Variants in SLC25A14 observed in about 807,000 individuals in gnomAD.
SLC25A14 encodes the protein solute carrier family 25 member 14, also known as brain mitochondrial carrier protein 1.
In SLC25A14, 8 loss-of-function variants were observed where a neutral mutation model predicts 28.1. The ratio of observed to expected loss-of-function variants is 0.28; its 90% CI spans 0.17 to 0.51. SLC25A14 has a LOEUF of 0.51. Ranked by LOEUF, SLC25A14 falls within the 20% of genes least tolerant of loss-of-function variation. The pLI is 0.97. For missense variants in SLC25A14, 135 were observed against 263.8 expected, an observed-to-expected ratio of 0.51 and a Z score of 3.38; for synonymous variants, 74 against 90.6, an observed-to-expected ratio of 0.82 and a Z score of 1.04.
intron 9 of SLC25A14, among the ~76,000 whole-genome samples, chrX:130,366,250 TAGAG>T (rs1569456012): frequency 8.9e-6 from 1 of 112,391 alleles, no homozygotes; most frequent in Non-Finnish European, 1.9e-5. Flanking sequence ...TTTTAGTAGT[TAGAG>T]AGAAATTACA....
intron 7 of SLC25A14, among the ~76,000 whole-genome samples, chrX:130,359,483 A>G (rs1233094068): frequency 4.5e-5 from 5 of 110,234 alleles, no homozygotes; most frequent in Admixed American, 9.7e-5. Flanking sequence ...AAAAAAATCC[A>G]GTAGTCCCAC....
At chrX:130,358,185 A>G (rs781154256) in intron 6 of SLC25A14, among the ~76,000 whole-genome samples, 10 of 112,237 alleles carry the variant, frequency 8.9e-5, no homozygotes, top group Non-Finnish European at 1.7e-4. Flanking sequence ...AATTTTTGAT[A>G]TCTTTCAGTG....
intron 2 of SLC25A14, among the ~76,000 whole-genome samples, chrX:130,343,142 A>T (rs750510468): frequency 8.0e-5 from 9 of 112,131 alleles, no homozygotes; most frequent in African/African-American, 2.9e-4. Flanking sequence ...TGTAAGGAGA[A>T]AAAGTTTTGG....
intron 7 of SLC25A14, among the ~76,000 whole-genome samples, chrX:130,359,995 T>C (rs1308435408): frequency 1.8e-5 from 2 of 110,861 alleles, no homozygotes; most frequent in Admixed American, 9.6e-5. Context: ...CCCTAATACC[T>C]AATATCTAGC....
At chrX:130,353,559 A>T (rs1379549794) in intron 6 of SLC25A14, among the ~76,000 whole-genome samples, 1 of 111,510 alleles carries the variant, frequency 9.0e-6, no homozygotes, top group Non-Finnish European at 1.9e-5. Context: ...ACTTTTATTC[A>T]CTTCTGTTTC....
At chrX:130,366,233 G>T (rs1190224776) in intron 9 of SLC25A14, among the ~76,000 whole-genome samples, 4 of 112,198 alleles carry the variant, frequency 3.6e-5, no homozygotes, top group African/African-American at 1.3e-4. Context: ...TTACATATTA[G>T]ACACCATTTT....
chrX:130,349,439 GAGGAGA>G, intron 5 of SLC25A14, 94 bp downstream of exon 5: 1 of 489,229 alleles, frequency 2.0e-6, no homozygotes, highest in Non-Finnish European at 3.5e-6. Flanking sequence ...CCTGAGAATG[GAGGAGA>G]GTCACTGCAA....
At chrX:130,370,555 T>C (rs1340958908) in intron 9 of SLC25A14, among the ~76,000 whole-genome samples, 2 of 112,047 alleles carry the variant, frequency 1.8e-5, no homozygotes, top group Admixed American at 9.5e-5. Context: ...ACCCCTGTTG[T>C]ATAAAGTAGG....
intron 2 of SLC25A14, 109 bp downstream of exon 2, chrX:130,340,462 T>G: frequency 1.2e-6 from 1 of 852,248 alleles, no homozygotes; most frequent in Non-Finnish European, 1.7e-6. Flanking sequence ...AGGCATCTAT[T>G]AAAATGCAGT....
chrX:130,365,407 T>C (rs1217425199), intron 8 of SLC25A14, 134 bp from the exon 9 acceptor site: 1 of 1,058,955 alleles, frequency 9.4e-7, no homozygotes, highest in Non-Finnish European at 1.2e-6. Flanking sequence ...CTCTTTAGAT[T>C]GTAACGAAAG....
chrX:130,364,221 T>C (rs1466171193), intron 7 of SLC25A14, among the ~76,000 whole-genome samples: 3 of 112,136 alleles, frequency 2.7e-5, no homozygotes, highest in African/African-American at 9.7e-5. Flanking sequence ...AAAATTGGAT[T>C]GTTTGCCTTT....
Position 130,373,247 on chromosome X carries a change from A to T in SLC25A14, c.*297A>T, listed in dbSNP as rs1463782654. On this transcript the variant is annotated 3_prime_UTR_variant, in exon 11 of 11. Transcript: ENST00000545805. Reference sequence around the variant, plus strand: ...ACGGCCTGCTTTCCAAATGTGGTTAAATGTAATTGGTTAGCCCCAGACTTG... The same window carrying T: ...ACGGCCTGCTTTCCAAATGTGGTTATATGTAATTGGTTAGCCCCAGACTTG... 3.7e-6 allele frequency: 1 copy of T among 270,625 alleles called. No individual in the cohort carries two copies. Among genetic ancestry groups the T allele is most frequent in the African/African-American group, 2.9e-5 (1 of 35,083 alleles). 22.3% of individuals were successfully genotyped at this position (270,625 alleles called of 1,213,427 possible).
intron 6 of SLC25A14, 50 bp from the exon 7 acceptor site, chrX:130,358,590 C>A: frequency 2.6e-6 from 2 of 782,762 alleles, no homozygotes; most frequent in Non-Finnish European, 3.8e-6. Context: ...ATGAATTTAG[C>A]ATTTTGGTTC....
intron 6 of SLC25A14, among the ~76,000 whole-genome samples, chrX:130,353,177 C>A (rs2033671653): frequency 9.0e-6 from 1 of 111,387 alleles, no homozygotes; most frequent in African/African-American, 3.3e-5. Context: ...GAGTCCTTTC[C>A]CCATGCTTAT....
At chrX:130,359,843 A>C (rs1246417563) in intron 7 of SLC25A14, among the ~76,000 whole-genome samples, 2 of 110,591 alleles carry the variant, frequency 1.8e-5, no homozygotes, top group Non-Finnish European at 3.8e-5. Context: ...ACAGACATAC[A>C]CTCTTTTTAG....
At chrX:130,349,537 G>A in intron 5 of SLC25A14, 192 bp downstream of exon 5, 1 of 266,477 alleles carries the variant, frequency 3.8e-6, no homozygotes. Flanking sequence ...CTTCAAATTT[G>A]TCCCTTTTCC....
Position 130,346,677 on chromosome X carries a change from G to A in SLC25A14, c.303G>A (p.Leu101=). ...GCATCTGTAAAGAGGAAGGTGTATT[G>A]GCTCTCTATTCAGGGTGAGACTGGT... ...LFRICKEEGV[L]ALYSGIAPAL... Residue 101 remains leucine, a synonymous_variant, in exon 4 of 11, where the codon TTG becomes TTA. Transcript: ENST00000545805. 8.3e-7 allele frequency: 1 copy of A among 1,205,956 alleles called. No individual in the cohort carries two copies. Among genetic ancestry groups the A allele is most frequent in the Non-Finnish European group, 1.1e-6 (1 of 890,876 alleles).
chrX:130,341,469 A>G (rs1282760471), intron 2 of SLC25A14, among the ~76,000 whole-genome samples: 3 of 112,078 alleles, frequency 2.7e-5, no homozygotes, highest in Non-Finnish European at 5.6e-5. Flanking sequence ...CATGCCTTCA[A>G]TAAATATCTG....
intron 7 of SLC25A14, among the ~76,000 whole-genome samples, chrX:130,362,152 T>TA (rs58699019): frequency 5.6e-5 from 6 of 107,555 alleles, no homozygotes; most frequent in East Asian, 2.9e-4. Context: ...TTTATTTATT[T>TA]TTTGAGACGG....
Sources: allele counts gnomAD v4.1 joint callset (sites outside exome capture counted in the v4.1 genomes callset), GRCh38; gene constraint gnomAD v4.1.1; transcripts MANE v1.5; gene names NCBI Gene and HGNC (gene_info 2026-07-23, HGNC 2026-07-21).